The following AGBL4 variants were observed in gnomAD, a reference collection of about 807,000 sequenced individuals.
AGBL4 encodes cytosolic carboxypeptidase 6.
Under a neutral mutation model 66.4 loss-of-function variants are expected in AGBL4, and 58 were observed. That is an observed-to-expected ratio of 0.87 (90% CI 0.71 to 1.09). The LOEUF (loss-of-function observed/expected upper bound fraction) is 1.09, where lower values mean the gene tolerates loss of function less well. Among genes scored for constraint, AGBL4 ranks in the 50% least tolerant of loss-of-function variants. The pLI is 0.00. For synonymous variants in AGBL4, 234 were observed against 222.9 expected (o/e 1.05, Z -0.44); for missense variants, 579 against 631.0 (o/e 0.92, Z 0.88).
intron 4 of AGBL4, among the ~76,000 whole-genome samples, chr1:49,224,537 G>C (rs1049451303): frequency 3.4e-5 from 5 of 148,234 alleles, no homozygotes; most frequent in Non-Finnish European, 7.4e-5. Context: ...GAATGGCGTG[G>C]ACCCAGGAGG....
intron 6 of AGBL4, among the ~76,000 whole-genome samples, chr1:48,679,093 A>G (rs929398740): frequency 4.6e-5 from 7 of 152,202 alleles, no homozygotes; most frequent in African/African-American, 1.7e-4. Context: ...AGCACGGGGT[A>G]CTGGGGAGCC....
chr1:49,248,184 TC>T (rs1460843325), intron 3 of AGBL4, among the ~76,000 whole-genome samples: 2 of 152,316 alleles, frequency 1.3e-5, no homozygotes, highest in African/African-American at 4.8e-5. Context: ...AGATGTGGCA[TC>T]CATAAGATAA....
At chr1:49,915,692 C>T (rs1651382273) in intron 1 of AGBL4, among the ~76,000 whole-genome samples, 2 of 152,170 alleles carry the variant, frequency 1.3e-5, no homozygotes, top group Non-Finnish European at 2.9e-5. Flanking sequence ...CAGCAGAAAC[C>T]TCTGCAGATT....
At chr1:49,687,517 A>G (rs1646808687) in intron 3 of AGBL4, among the ~76,000 whole-genome samples, 1 of 152,162 alleles carries the variant, frequency 6.6e-6, no homozygotes, top group Admixed American at 6.5e-5. Flanking sequence ...CATGTCCGCA[A>G]TCCCAGCACT....
At chr1:48,663,364 C>G in intron 6 of AGBL4, 123 bp from the exon 7 acceptor site, 1 of 851,356 alleles carries the variant, frequency 1.2e-6, no homozygotes, top group South Asian at 1.5e-5. Context: ...TCTTAAACCA[C>G]TGGGTTAGAA....
chr1:49,601,068 CTTCTT>C, intron 3 of AGBL4, among the ~76,000 whole-genome samples: 1 of 152,126 alleles, frequency 6.6e-6, no homozygotes, highest in Non-Finnish European at 1.5e-5. Context: ...ACATTTTTTC[CTTCTT>C]TTCAACCTTG....
At chr1:49,236,025 T>G (rs113804056) in intron 4 of AGBL4, among the ~76,000 whole-genome samples, 3 of 151,760 alleles carry the variant, frequency 2.0e-5, no homozygotes, top group South Asian at 4.2e-4. Flanking sequence ...TTTATTTATT[T>G]ATTTATTGAT....
Position 48,779,727 on chromosome 1 carries a change from T to A in AGBL4, c.634+87464A>T, listed in dbSNP as rs1025823095. Among the ~76,000 whole-genome samples, 3 of 100,678 alleles carry A rather than the reference T, an allele frequency of 3.0e-5. No individual in the cohort carries two copies. The East Asian group carries it at 7.5e-4, about 25-fold the overall frequency. 66.0% of individuals were successfully genotyped at this position (100,678 alleles called of 152,430 possible). Reference sequence around the variant, plus strand: ...CTCTTTTTTTTTTTTTTTTTTTTTTTCTTGAGACGGAGTTTCGCTCTTGTT... The same window carrying A: ...CTCTTTTTTTTTTTTTTTTTTTTTTACTTGAGACGGAGTTTCGCTCTTGTT... On this transcript the variant is annotated intron_variant, in intron 6 of 13. Coordinates refer to ENST00000371839, the MANE Select transcript of AGBL4 (RefSeq NM_032785.4).
At chr1:48,890,734 C>T (rs1474805924) in intron 5 of AGBL4, among the ~76,000 whole-genome samples, 7 of 152,132 alleles carry the variant, frequency 4.6e-5, no homozygotes, top group South Asian at 2.1e-4. Context: ...GTCTGTTACC[C>T]GTACTCTATT....
At chr1:49,583,915 A>C (rs1239161459) in intron 3 of AGBL4, among the ~76,000 whole-genome samples, 3 of 152,292 alleles carry the variant, frequency 2.0e-5, no homozygotes, top group African/African-American at 7.2e-5. Flanking sequence ...CCCTTAAGCC[A>C]GTCCTGAAGC....
At position 49,866,625 on chromosome 1, in the gene AGBL4, G is replaced by A. The variant is rs1389752426; in HGVS notation, c.35-15107C>T. 7.2e-5 allele frequency among the ~76,000 whole-genome samples: 11 copies of A among 152,114 alleles called. No individual in the cohort carries two copies. The South Asian group carries it at 1.0e-3, about 14-fold the overall frequency. On this transcript the variant is annotated intron_variant, in intron 1 of 13. Transcript: ENST00000371839. ...CTAAAAATGCAAATATTAGCCGGGC[G>A]TGGTGGCATGCACCTGTAATCCCAG...
At chr1:49,352,427 G>C (rs1429529158) in intron 3 of AGBL4, among the ~76,000 whole-genome samples, 1 of 128,088 alleles carries the variant, frequency 7.8e-6, no homozygotes, top group Non-Finnish European at 1.6e-5. Flanking sequence ...CCTCAGAGAA[G>C]AGGAGAAAAA....
chr1:48,840,286 C>G (rs1646769413), intron 6 of AGBL4, among the ~76,000 whole-genome samples: 1 of 152,146 alleles, frequency 6.6e-6, no homozygotes. Flanking sequence ...AGAGATACCT[C>G]TGTGTGCCCG....
intron 2 of AGBL4, among the ~76,000 whole-genome samples, chr1:49,715,193 C>T (rs1206565138): frequency 6.6e-6 from 1 of 152,128 alleles, no homozygotes; most frequent in Non-Finnish European, 1.5e-5. Context: ...TCAGCTCCCA[C>T]TTATGAGTGA....
chr1:49,118,590 T>C (rs1182802194), intron 4 of AGBL4, among the ~76,000 whole-genome samples: 2 of 152,152 alleles, frequency 1.3e-5, no homozygotes, highest in African/African-American at 4.8e-5. Flanking sequence ...TGCTGCTGGA[T>C]TTGGTTTGTC....
At chr1:49,471,273 G>A (rs72899973) in intron 3 of AGBL4, among the ~76,000 whole-genome samples, 2,806 of 152,010 alleles carry the variant, frequency 0.018, 84 homozygotes, top group African/African-American at 0.064. Flanking sequence ...TATATCTAGT[G>A]TTTTATTTAA....
chr1:49,191,622 C>A (rs1647120802), intron 4 of AGBL4, among the ~76,000 whole-genome samples: 1 of 152,102 alleles, frequency 6.6e-6, no homozygotes, highest in Non-Finnish European at 1.5e-5. Context: ...ACACCTTTGT[C>A]CCTCTAGTAG....
chr1:48,967,710 A>C (rs772602489), intron 5 of AGBL4, among the ~76,000 whole-genome samples: 1 of 152,172 alleles, frequency 6.6e-6, no homozygotes, highest in Non-Finnish European at 1.5e-5. Flanking sequence ...GAAAGGCAGG[A>C]TAGACAGAAG....
chr1:49,600,560 T>A (rs2124155387), intron 3 of AGBL4, among the ~76,000 whole-genome samples: 1 of 152,338 alleles, frequency 6.6e-6, no homozygotes, highest in South Asian at 2.1e-4. Context: ...TGACTCTTTA[T>A]CCAATTTGCC....
Sources: allele counts gnomAD v4.1 joint callset (sites outside exome capture counted in the v4.1 genomes callset), GRCh38; gene constraint gnomAD v4.1.1; transcripts MANE v1.5; gene names NCBI Gene and HGNC (gene_info 2026-07-23, HGNC 2026-07-21).